Variants in COL24A1 observed in about 807,000 individuals in gnomAD.
COL24A1 encodes the protein collagen alpha-1(XXIV) chain.
In COL24A1, 224 loss-of-function variants were observed where a neutral mutation model predicts 253.9. The observed-to-expected ratio is 0.88, with a 90% CI of 0.79 to 0.99. COL24A1 has a LOEUF of 0.99. Ranked by LOEUF, COL24A1 falls within the 50% of genes least tolerant of loss-of-function variation. The pLI, the probability that COL24A1 is intolerant of heterozygous loss-of-function variation, is 0.00. For synonymous variants in COL24A1, 685 were observed against 673.7 expected, an observed-to-expected ratio of 1.02 and a Z score of -0.26; for missense variants, 2,131 against 2,068.5, an observed-to-expected ratio of 1.03 and a Z score of -0.59.
intron 24 of COL24A1, among the ~76,000 whole-genome samples, chr1:85,927,228 C>A (rs974977422): frequency 6.6e-6 from 1 of 152,098 alleles, no homozygotes; most frequent in East Asian, 1.9e-4. Flanking sequence ...GTGTGCGCAC[C>A]GTGCGCGAGC....
chr1:86,022,265 C>T lies in COL24A1; in HGVS notation c.2231G>A (p.Gly744Glu). The T allele has an allele frequency of 6.2e-7, 1 of 1,612,626 alleles. No homozygotes were observed. The highest frequency in any genetic ancestry group is 8.5e-7 in the Non-Finnish European group (1 of 1,179,094). Reference protein sequence around the residue: ...KGAVGLPGPPGMRGKSGPSGQ... With the variant: ...KGAVGLPGPPEMRGKSGPSGQ... ...TGAAGGCCCTGACTTTCCTCTCATCCCTGGTGGTCCTGGTAAACCAACAGC... is the reference window on the plus strand; with the variant it reads ...TGAAGGCCCTGACTTTCCTCTCATCTCTGGTGGTCCTGGTAAACCAACAGC... The change falls in exon 18 of 60, where the codon GGG becomes GAG. Residue 744 changes from glycine to glutamate, a missense_variant. Transcript: ENST00000370571.
chr1:86,075,247 G>C (rs574762606), intron 7 of COL24A1, among the ~76,000 whole-genome samples: 1 of 152,256 alleles, frequency 6.6e-6, no homozygotes, highest in Admixed American at 6.5e-5. Flanking sequence ...ACTACCATCA[G>C]AGAATACTAT....
rs187406820 is a variant in COL24A1 at position 85,909,184 on chromosome 1, T to C, written c.2671-533A>G. On this transcript the variant is annotated intron_variant, in intron 26 of 59. Transcript: ENST00000370571. ...AATGATTCTTGAAGTTGATTAGTCT[T>C]ACAGGCATGCTAAATTTCCTAGCTG... 3.2e-4 allele frequency among the ~76,000 whole-genome samples: 49 copies of C among 151,900 alleles called. No homozygotes were observed. In the East Asian group the frequency reaches 8.9e-3, roughly 28 times the overall value.
At chr1:85,842,197 A>G in intron 40 of COL24A1, 76 bp from the exon 41 acceptor site, 1 of 1,469,514 alleles carries the variant, frequency 6.8e-7, no homozygotes, top group Non-Finnish European at 9.5e-7. Flanking sequence ...AAGGAAAAAT[A>G]GGATTCACTG....
chr1:85,903,759 AC>A, intron 28 of COL24A1, among the ~76,000 whole-genome samples: 1 of 152,268 alleles, frequency 6.6e-6, no homozygotes, highest in Non-Finnish European at 1.5e-5. Flanking sequence ...AATTTACAGA[AC>A]CACTACTTCG....
chr1:85,876,724 A>C (rs899298424), intron 33 of COL24A1, among the ~76,000 whole-genome samples: 16 of 152,366 alleles, frequency 1.1e-4, no homozygotes, highest in Admixed American at 7.2e-4. Context: ...CTAAAGTTAC[A>C]AACAATGGAA....
At chr1:85,835,913 G>T (rs1175642155) in intron 43 of COL24A1, among the ~76,000 whole-genome samples, 1 of 152,176 alleles carries the variant, frequency 6.6e-6, no homozygotes, top group Non-Finnish European at 1.5e-5. Context: ...CTGAGGAATG[G>T]CATGTGCAGA....
chr1:85,950,232 C>T (rs767314979), intron 24 of COL24A1, among the ~76,000 whole-genome samples: 3 of 151,666 alleles, frequency 2.0e-5, no homozygotes, highest in Admixed American at 6.6e-5. Flanking sequence ...TAACACCTAA[C>T]GGTTATGTCT....
At chr1:85,873,801 C>T (rs12140628) in intron 35 of COL24A1, among the ~76,000 whole-genome samples, 107 of 149,704 alleles carry the variant, frequency 7.1e-4, no homozygotes, top group Non-Finnish European at 1.3e-3. Flanking sequence ...GCACGTTGTG[C>T]ACATGTACCC....
intron 7 of COL24A1, among the ~76,000 whole-genome samples, chr1:86,083,130 T>C (rs1200271126): frequency 6.6e-6 from 1 of 151,894 alleles, no homozygotes; most frequent in African/African-American, 2.4e-5. Context: ...ACCCCGTCTC[T>C]ATTAAAAATA....
chr1:85,797,719 G>A (rs1670984965), intron 47 of COL24A1, among the ~76,000 whole-genome samples: 1 of 152,180 alleles, frequency 6.6e-6, no homozygotes, highest in Non-Finnish European at 1.5e-5. Context: ...TGGAGGTTTT[G>A]TGAGGGTTAA....
intron 19 of COL24A1, among the ~76,000 whole-genome samples, chr1:86,000,423 A>G (rs1321607919): frequency 1.3e-5 from 2 of 152,144 alleles, no homozygotes; most frequent in East Asian, 1.9e-4. Flanking sequence ...TACTTTTTTT[A>G]TTGACTGATT....
chr1:85,811,196 T>C (rs535002229), intron 47 of COL24A1, among the ~76,000 whole-genome samples: 2 of 152,338 alleles, frequency 1.3e-5, no homozygotes, highest in South Asian at 4.1e-4. Flanking sequence ...AATATTCCAA[T>C]GTCACATTTT....
chr1:86,031,897 G>C lies in COL24A1; in HGVS notation c.2030C>G (p.Pro677Arg), dbSNP rs762501445. The C allele has an allele frequency of 1.9e-6, 3 of 1,607,868 alleles. No homozygotes were observed. Among genetic ancestry groups the C allele is most frequent in the Non-Finnish European group, 2.5e-6 (3 of 1,177,098 alleles). The change falls in exon 14 of 60, where the codon CCG (proline) becomes CGG (arginine). Residue 677 changes from proline (P) to arginine (R), a missense_variant. Transcript: ENST00000370571. ...SPGLVGGTGP[P>R]GFPGLRGSVG... ...ACTCACTCTAAGCCCAGGAAACCCC[G>C]GAGGACCAGTGCCACCTACAAGTCC...
At chr1:86,109,876 G>A (rs1053264717) in intron 5 of COL24A1, among the ~76,000 whole-genome samples, 7 of 152,206 alleles carry the variant, frequency 4.6e-5, no homozygotes, top group Admixed American at 2.6e-4. Context: ...AATGGGATTA[G>A]TGCCCTTATA....
intron 43 of COL24A1, among the ~76,000 whole-genome samples, chr1:85,824,519 A>G (rs973532382): frequency 2.0e-5 from 3 of 152,132 alleles, no homozygotes; most frequent in Non-Finnish European, 4.4e-5. Flanking sequence ...AACTAACTTC[A>G]CAACTATTTG....
At chr1:85,952,167 C>T (rs1190469393) in intron 24 of COL24A1, among the ~76,000 whole-genome samples, 3 of 152,054 alleles carry the variant, frequency 2.0e-5, no homozygotes, top group African/African-American at 7.2e-5. Context: ...AATGAAAAGT[C>T]ACTAAAACTT....
intron 37 of COL24A1, among the ~76,000 whole-genome samples, chr1:85,866,789 AATAAG>A (rs1214566095): frequency 2.0e-5 from 3 of 151,880 alleles, no homozygotes; most frequent in African/African-American, 2.4e-5. Flanking sequence ...TAAATAAATA[AATAAG>A]ATAAGTTTTT....
intron 8 of COL24A1, among the ~76,000 whole-genome samples, chr1:86,060,855 G>A (rs1701037719): frequency 6.6e-6 from 1 of 151,746 alleles, no homozygotes; most frequent in African/African-American, 2.4e-5. Flanking sequence ...GAAACCATAT[G>A]TATGTATTAA....
Sources: allele counts gnomAD v4.1 joint callset (sites outside exome capture counted in the v4.1 genomes callset), GRCh38; gene constraint gnomAD v4.1.1; transcripts MANE v1.5; gene names NCBI Gene and HGNC (gene_info 2026-07-23, HGNC 2026-07-21).